Variants in TTC39A observed in about 807,000 individuals in gnomAD.
The protein encoded by TTC39A is tetratricopeptide repeat protein 39A.
TTC39A carries 46 observed loss-of-function variants against 82.3 expected under a neutral mutation model. The ratio of observed to expected loss-of-function variants is 0.56; its 90% CI spans 0.44 to 0.71. The LOEUF (loss-of-function observed/expected upper bound fraction) is 0.71. Ranked by LOEUF, TTC39A falls within the 30% of genes least tolerant of loss-of-function variation. The probability of loss-of-function intolerance (pLI) is 0.00; values close to 1 mark genes in which losing one functional copy is unlikely to be tolerated. For synonymous variants in TTC39A, 254 were observed against 275.2 expected (o/e 0.92, Z 0.76); for missense variants, 543 against 712.9 (o/e 0.76, Z 2.71).
exon 1 of TTC39A, chr1:51,345,093 G>T (rs1376215759): frequency 3.9e-6 from 5 of 1,279,208 alleles, no homozygotes; most frequent in Non-Finnish European, 4.9e-6. Context: ...TCGCGGCGGC[G>T]GCGGCGGCCG....
intron 2 of TTC39A, among the ~76,000 whole-genome samples, chr1:51,314,186 G>T (rs1463452074): frequency 2.0e-5 from 3 of 152,230 alleles, no homozygotes; most frequent in Non-Finnish European, 4.4e-5. Flanking sequence ...GTGGCATTTA[G>T]TCCATCACAT....
At chr1:51,338,577 C>A (rs1004249431) in intron 1 of TTC39A, among the ~76,000 whole-genome samples, 1 of 146,844 alleles carries the variant, frequency 6.8e-6, no homozygotes, top group African/African-American at 2.5e-5. Context: ...CCGAGTGCAG[C>A]GCTGTCGAGT....
At chr1:51,306,173 G>A (rs1033196314) in intron 6 of TTC39A, 97 bp from the exon 7 acceptor site, 27 of 928,882 alleles carry the variant, frequency 2.9e-5, no homozygotes, top group Non-Finnish European at 4.3e-5. Flanking sequence ...ACTCCCTGGT[G>A]GTGGATTCAT....
chr1:51,319,012 A>G (rs746379015), intron 2 of TTC39A, among the ~76,000 whole-genome samples: 2 of 152,262 alleles, frequency 1.3e-5, no homozygotes, highest in African/African-American at 2.4e-5. Flanking sequence ...GAGAAAGCCT[A>G]GTTATGCAGG....
At chr1:51,316,488 C>T (rs993344627) in intron 2 of TTC39A, among the ~76,000 whole-genome samples, 4 of 152,204 alleles carry the variant, frequency 2.6e-5, no homozygotes, top group Non-Finnish European at 4.4e-5. Flanking sequence ...CAACCTTCTG[C>T]TGAACCTAGC....
upstream of TTC39A, chr1:51,331,049 TA>T (rs1331934343): frequency 2.0e-5 from 17 of 854,318 alleles, no homozygotes; most frequent in African/African-American, 2.7e-4. Context: ...CACTCACTGC[TA>T]GCTGGCAGTT....
rs371370731 is a variant in TTC39A, at chr1:51,294,358, G to A, written c.1266+33C>T. 7.6e-5 allele frequency: 123 copies of A among 1,613,608 alleles called. 1 individual carries two copies. The highest frequency in any genetic ancestry group is 6.9e-4 in the South Asian group (63 of 91,070). ...AGTGAATCCCCACAATCCTATACCC[G>A]GAGGGCAGCGCCAGTCCAGACCTCC... On this transcript the variant is annotated intron_variant, in intron 14 of 17. Coordinates refer to ENST00000680483, the MANE Select transcript of TTC39A (RefSeq NM_001297663.2). This position sits in a 1 kb window ranked among gnomAD's most constrained non-coding sequence, Gnocchi z 4.3.
At chr1:51,337,032 A>G (rs1645982615) in intron 1 of TTC39A, among the ~76,000 whole-genome samples, 1 of 152,128 alleles carries the variant, frequency 6.6e-6, no homozygotes, top group Admixed American at 6.6e-5. Context: ...GTGGCACACA[A>G]CCATAGTCTG....
chr1:51,290,073 T>C lies in TTC39A; in HGVS notation c.1425A>G (p.Lys475=), dbSNP rs1644145323. The C allele has an allele frequency of 6.2e-7, 1 of 1,613,992 alleles. No individual in the cohort carries two copies. ...VDDECLVKLL[K]GLCLKYLGRV... is the part of the protein sequence containing the mutation. ...GGCCCAGGTATTTCAGACACAGGCC[T>C]TTCAACAATTTCACCAAGCACTCGT... is the stretch of plus-strand genomic sequence containing the variant. The change falls in exon 16 of 18, where the codon AAA becomes AAG. Residue 475 remains lysine, a synonymous_variant. Coordinates refer to ENST00000680483, the MANE Select transcript of TTC39A (RefSeq NM_001297663.2).
intron 1 of TTC39A, chr1:51,322,335 G>A: frequency 2.2e-6 from 3 of 1,347,062 alleles, no homozygotes; most frequent in Non-Finnish European, 2.9e-6. Flanking sequence ...GAGAGGCCCA[G>A]GGCCTTTCAA....
chr1:51,291,591 G>C (rs983990727), intron 14 of TTC39A, among the ~76,000 whole-genome samples: 1 of 120,286 alleles, frequency 8.3e-6, no homozygotes, highest in Non-Finnish European at 1.6e-5. Flanking sequence ...AGGAGTTCAA[G>C]ACCAGCCTGG....
At chr1:51,310,134 G>A (rs1037248372) in intron 5 of TTC39A, among the ~76,000 whole-genome samples, 1 of 152,062 alleles carries the variant, frequency 6.6e-6, no homozygotes, top group African/African-American at 2.4e-5. Context: ...ATTAGCTGGA[G>A]GCTGAGGCAG....
intron 1 of TTC39A, among the ~76,000 whole-genome samples, chr1:51,327,989 G>A (rs1036836402): frequency 3.3e-5 from 5 of 152,102 alleles, no homozygotes; most frequent in African/African-American, 1.2e-4. Context: ...GAGCAACTGC[G>A]TGCGGCTTTA....
intron 11 of TTC39A, 56 bp from the exon 12 acceptor site, chr1:51,301,789 C>A: frequency 1.3e-6 from 2 of 1,570,748 alleles, no homozygotes; most frequent in Non-Finnish European, 8.6e-7. Flanking sequence ...AACCCCTCTG[C>A]ATCCTCCGAA....
intron 1 of TTC39A, among the ~76,000 whole-genome samples, chr1:51,338,270 T>C (rs1473640748): frequency 6.6e-6 from 1 of 152,200 alleles, no homozygotes; most frequent in Non-Finnish European, 1.5e-5. Context: ...GCTTCTTCAC[T>C]ATAATCCAGG....
At chr1:51,302,317 C>A in intron 11 of TTC39A, 40 bp downstream of exon 11, 1 of 1,572,962 alleles carries the variant, frequency 6.4e-7, no homozygotes. Flanking sequence ...TGGGAGACCC[C>A]GAGGGATCCC....
chr1:51,320,059 A>C (rs1370950078), intron 2 of TTC39A, among the ~76,000 whole-genome samples: 2 of 152,188 alleles, frequency 1.3e-5, no homozygotes, highest in South Asian at 4.1e-4. Flanking sequence ...ACCTGGAATC[A>C]AAGAAACAGG....
At chr1:51,296,267 A>C (rs574000123) in intron 12 of TTC39A, 97 bp from the exon 13 acceptor site, 2 of 1,183,794 alleles carry the variant, frequency 1.7e-6, no homozygotes, top group South Asian at 2.6e-5. Context: ...CCAGCACAGG[A>C]GCTCCCGTTG....
rs181150221 is a variant in TTC39A at position 51,305,035 on chromosome 1, G to C, written c.654+46C>G. ...CCCCACCCTGTGCAGCCCAGCCCCA[G>C]TTCTGGGGCTGAGCAGGTCAGGGGT... is the stretch of plus-strand genomic sequence containing the variant. On this transcript the variant is annotated intron_variant, in intron 8 of 17. Transcript: ENST00000680483. 79 of 1,605,884 alleles carry C rather than the reference G, an allele frequency of 4.9e-5. 1 individual carries two copies. Among genetic ancestry groups the C allele is most frequent in the Admixed American group, 2.7e-4 (16 of 59,916 alleles).
Sources: allele counts gnomAD v4.1 joint callset (sites outside exome capture counted in the v4.1 genomes callset), GRCh38; gene constraint gnomAD v4.1.1; non-coding constraint Gnocchi (gnomAD v3.1); transcripts MANE v1.5; gene names NCBI Gene and HGNC (gene_info 2026-07-23, HGNC 2026-07-21).